SH3RF2: variants seen among roughly 807,000 people sequenced by gnomAD.
SH3RF2 encodes the protein E3 ubiquitin-protein ligase SH3RF2.
SH3RF2 carries 43 observed loss-of-function variants against 59.0 expected under a neutral mutation model. The observed-to-expected ratio is 0.73, with a 90% CI of 0.57 to 0.94. The LOEUF (loss-of-function observed/expected upper bound fraction) is 0.94, where lower values mean the gene tolerates loss of function less well. SH3RF2 is among the 40% of genes least tolerant of loss of function. SH3RF2 has a pLI of 0.00. For synonymous variants in SH3RF2, 391 were observed against 391.5 expected (o/e 1.00, Z 0.01); for missense variants, 930 against 940.1 (o/e 0.99, Z 0.14).
intron 5 of SH3RF2, among the ~76,000 whole-genome samples, chr5:146,015,749 A>C (rs75709193): frequency 0.019 from 2,891 of 152,354 alleles, 101 homozygotes; most frequent in African/African-American, 0.067. Flanking sequence ...AAGTATTATT[A>C]CTTCGTAGTT....
intron 2 of SH3RF2, among the ~76,000 whole-genome samples, chr5:145,971,870 T>TG (rs1759095217): frequency 7.0e-6 from 1 of 143,048 alleles, no homozygotes; most frequent in African/African-American, 2.9e-5. Context: ...ATAATAGTGA[T>TG]AATGATGATG....
intron 5 of SH3RF2, among the ~76,000 whole-genome samples, chr5:146,017,020 A>G (rs1334332719): frequency 6.6e-6 from 1 of 152,172 alleles, no homozygotes; most frequent in Non-Finnish European, 1.5e-5. Flanking sequence ...TCAAACCCCA[A>G]GGGGTAGCAT....
chr5:146,028,448 G>A (rs1761620632), intron 5 of SH3RF2, among the ~76,000 whole-genome samples: 1 of 152,192 alleles, frequency 6.6e-6, no homozygotes, highest in Non-Finnish European at 1.5e-5. Flanking sequence ...GACCTGTTAG[G>A]AGATGAATGA....
intron 9 of SH3RF2, among the ~76,000 whole-genome samples, chr5:146,069,599 G>A (rs1319940665): frequency 6.6e-6 from 1 of 152,050 alleles, no homozygotes; most frequent in Non-Finnish European, 1.5e-5. Context: ...TTGAGACAAG[G>A]TCACACTCCT....
At chr5:145,985,600 C>T (rs751688606) in intron 2 of SH3RF2, among the ~76,000 whole-genome samples, 1 of 152,218 alleles carries the variant, frequency 6.6e-6, no homozygotes, top group Non-Finnish European at 1.5e-5. Context: ...GAACTGCCTT[C>T]TACCCATGAC....
intron 1 of SH3RF2, 61 bp from the exon 2 acceptor site, chr5:145,937,762 G>C (rs1470261450): frequency 1.3e-6 from 1 of 748,440 alleles, no homozygotes; most frequent in Non-Finnish European, 2.2e-6. Flanking sequence ...CTCAATGTAG[G>C]TGGGATATAC....
chr5:146,024,144 A>C (rs942878852), intron 5 of SH3RF2, among the ~76,000 whole-genome samples: 2 of 152,246 alleles, frequency 1.3e-5, no homozygotes, highest in African/African-American at 4.8e-5. Flanking sequence ...CTCTGTGTTT[A>C]AGGAACTGCC....
In SH3RF2 at chr5:146,056,039, T is replaced by C. The variant is rs777776031; in HGVS notation, c.1381T>C (p.Ser461Pro). The C allele has an allele frequency of 5.5e-5, 88 of 1,614,114 alleles. No homozygotes were observed. Among genetic ancestry groups the C allele is most frequent in the Non-Finnish European group, 7.1e-5 (84 of 1,180,048 alleles). Residue 461 changes from serine (S) to proline (P), a missense_variant, in exon 8 of 10, where the codon TCC becomes CCC. Transcript: ENST00000359120. The stretch of plus-strand genomic sequence containing the variant: ...TGGTCTCTACACCACATGGACGTTA[T>C]CCACCTCCTCTGTGTCCTCCCAAGG... ...SPGLYTTWTLSTSSVSSQGSI... is the reference protein window; with the variant it reads ...SPGLYTTWTLPTSSVSSQGSI...
chr5:145,952,457 T>C (rs892028482), intron 2 of SH3RF2, among the ~76,000 whole-genome samples: 1 of 152,182 alleles, frequency 6.6e-6, no homozygotes, highest in Admixed American at 6.5e-5. Flanking sequence ...TCTCACATTC[T>C]GTGGGGGATA....
intron 5 of SH3RF2, among the ~76,000 whole-genome samples, chr5:146,034,877 C>A (rs530374150): frequency 6.6e-6 from 1 of 152,274 alleles, no homozygotes; most frequent in East Asian, 1.9e-4. Flanking sequence ...GAGGCCAAGG[C>A]AGGTGAATCA....
At chr5:146,047,904 A>G in intron 6 of SH3RF2, 41 bp downstream of exon 6, 1 of 1,580,632 alleles carries the variant, frequency 6.3e-7, no homozygotes, top group Non-Finnish European at 8.7e-7. Flanking sequence ...TCCTGGCACA[A>G]AGGGGTCATC....
At chr5:146,028,163 A>AACACACACACAC (rs10586561) in intron 5 of SH3RF2, among the ~76,000 whole-genome samples, 1 of 142,308 alleles carries the variant, frequency 7.0e-6, no homozygotes, top group African/African-American at 2.7e-5. Flanking sequence ...TGAGGCCTGC[A>AACACACACACAC]ACACACACAC....
At chr5:146,035,508 T>G (rs983973432) in intron 5 of SH3RF2, among the ~76,000 whole-genome samples, 1 of 152,114 alleles carries the variant, frequency 6.6e-6, no homozygotes, top group Admixed American at 6.5e-5. Context: ...GTTAAATAAC[T>G]TGCCCAGGGT....
intron 4 of SH3RF2, among the ~76,000 whole-genome samples, chr5:146,013,069 T>C (rs1760969670): frequency 6.6e-6 from 1 of 152,084 alleles, no homozygotes. Flanking sequence ...TTAAAGGAAG[T>C]AGTAAAAGTC....
chr5:146,037,405 T>C (rs1379360610), intron 5 of SH3RF2, among the ~76,000 whole-genome samples: 2 of 152,160 alleles, frequency 1.3e-5, no homozygotes, highest in Non-Finnish European at 2.9e-5. Flanking sequence ...CTGTGACTGC[T>C]CCCATGGGGT....
In SH3RF2 at chr5:145,961,799, G is replaced by T. The variant is rs915504217; in HGVS notation, c.378+23493G>T. Reference sequence around the variant, plus strand: ...CAGTTTATCTGCTCTATTGTAGGAAGACCTTCTCAGTTGTAATTTGCAAAA... The same window carrying T: ...CAGTTTATCTGCTCTATTGTAGGAATACCTTCTCAGTTGTAATTTGCAAAA... On this transcript the variant is annotated intron_variant, in intron 2 of 9. Transcript: ENST00000359120. 2.6e-5 allele frequency among the ~76,000 whole-genome samples: 4 copies of T among 152,206 alleles called. No individual in the cohort carries two copies. In the South Asian group the frequency reaches 8.3e-4, roughly 31 times the overall value.
At chr5:145,973,389 C>G (rs1356651395) in intron 2 of SH3RF2, among the ~76,000 whole-genome samples, 1 of 152,158 alleles carries the variant, frequency 6.6e-6, no homozygotes, top group African/African-American at 2.4e-5. Flanking sequence ...ATCTTCCACA[C>G]CACCCAAGAA....
chr5:145,974,537 A>G (rs578099503), intron 2 of SH3RF2, among the ~76,000 whole-genome samples: 8 of 152,220 alleles, frequency 5.3e-5, no homozygotes, highest in Non-Finnish European at 1.2e-4. Flanking sequence ...TTTATTAACC[A>G]TATATTATGA....
chr5:146,010,985 T>G (rs1222933458), intron 4 of SH3RF2, among the ~76,000 whole-genome samples: 3 of 152,046 alleles, frequency 2.0e-5, no homozygotes, highest in Non-Finnish European at 4.4e-5. Context: ...ATTGCCTAGG[T>G]TTTCTTCTAG....
Sources: allele counts gnomAD v4.1 joint callset (sites outside exome capture counted in the v4.1 genomes callset), GRCh38; gene constraint gnomAD v4.1.1; transcripts MANE v1.5; gene names NCBI Gene and HGNC (gene_info 2026-07-23, HGNC 2026-07-21).